Variants in CTNNA2 observed in about 807,000 individuals in gnomAD.
CTNNA2 encodes the protein catenin alpha 2, also known as catenin alpha-2.
A neutral mutation model predicts 101.0 loss-of-function variants in CTNNA2; 42 were observed. The ratio of observed to expected loss-of-function variants is 0.42; its 90% CI spans 0.32 to 0.54. The LOEUF (loss-of-function observed/expected upper bound fraction) is 0.54. Among genes scored for constraint, CTNNA2 ranks in the 20% least tolerant of loss-of-function variants. The probability of loss-of-function intolerance (pLI) is 0.14; values close to 1 mark genes in which losing one functional copy is unlikely to be tolerated. For synonymous variants in CTNNA2, 450 were observed against 456.4 expected (o/e 0.99, Z 0.18); for missense variants, 871 against 1,223.1 (o/e 0.71, Z 4.29).
At chr2:79,662,869 C>T (rs1682134366) in intron 2 of CTNNA2, among the ~76,000 whole-genome samples, 1 of 152,204 alleles carries the variant, frequency 6.6e-6, no homozygotes, top group South Asian at 2.1e-4. Flanking sequence ...TTGGTGTCAC[C>T]ATCTCATGGG....
rs114124742 is a variant in CTNNA2 at position 80,205,368 on chromosome 2, G to T, written c.1057-187843G>T. Among the ~76,000 whole-genome samples, 879 of 152,278 alleles carry T rather than the reference G, an allele frequency of 5.8e-3. 9 individuals carry two copies. The highest frequency in any genetic ancestry group is 8.5e-3 in the Non-Finnish European group (581 of 68,014). On this transcript the variant is annotated intron_variant, in intron 7 of 18. Transcript: ENST00000402739. ...GATCCAGGGAATAAAAATAACAGCA[G>T]ATATTTAGCTTTCTCAATAGCTCTC...
intron 7 of CTNNA2, among the ~76,000 whole-genome samples, chr2:80,294,557 T>G (rs1434159108): frequency 6.6e-6 from 1 of 152,090 alleles, no homozygotes; most frequent in Non-Finnish European, 1.5e-5. Flanking sequence ...ATTGCTGAGT[T>G]GTCCATGCTG....
At chr2:80,240,433 C>T (rs1670832858) in intron 7 of CTNNA2, among the ~76,000 whole-genome samples, 1 of 152,182 alleles carries the variant, frequency 6.6e-6, no homozygotes, top group African/African-American at 2.4e-5. Context: ...TTCCTGCCTC[C>T]AGCCATCTCC....
chr2:79,648,179 G>C (rs1027099489), intron 1 of CTNNA2, among the ~76,000 whole-genome samples: 1 of 152,124 alleles, frequency 6.6e-6, no homozygotes, highest in Non-Finnish European at 1.5e-5. Context: ...GTACAGGCGG[G>C]ATGACATTCT....
At chr2:80,026,333 G>T (rs1050791310) in intron 7 of CTNNA2, among the ~76,000 whole-genome samples, 1 of 152,192 alleles carries the variant, frequency 6.6e-6, no homozygotes, top group African/African-American at 2.4e-5. Flanking sequence ...AGCATTCATC[G>T]ATCCAAGGAT....
At chr2:80,642,913 A>G (rs1046054580) in intron 18 of CTNNA2, among the ~76,000 whole-genome samples, 7 of 152,152 alleles carry the variant, frequency 4.6e-5, no homozygotes, top group African/African-American at 1.7e-4. Context: ...GGGAACAGAA[A>G]TCTTTTAGAA....
At chr2:80,301,938 T>G in intron 7 of CTNNA2, 7 of 244,876 alleles carry the variant, frequency 2.9e-5, no homozygotes, top group East Asian at 1.7e-4. Flanking sequence ...AAATCAATGA[T>G]TGGTACCTTT....
rs537096685 is a variant in CTNNA2 at position 80,536,905 on chromosome 2, A to G, written c.1291-8077A>G. 1.2e-3 allele frequency among the ~76,000 whole-genome samples: 189 copies of G among 152,316 alleles called. 1 individual carries two copies. The highest frequency in any genetic ancestry group is 4.3e-3 in the African/African-American group (177 of 41,572). The stretch of plus-strand genomic sequence containing the variant: ...TGATTAAAAAACATCTTGCCTTTTT[A>G]AATGGTCACTATACATTTTACTTTA... On this transcript the variant is annotated intron_variant, in intron 9 of 18. Coordinates refer to ENST00000402739, the MANE Select transcript of CTNNA2 (RefSeq NM_001282597.3).
chr2:79,264,098 A>T (rs184148124), intron 2 of CTNNA2, among the ~76,000 whole-genome samples: 1 of 152,296 alleles, frequency 6.6e-6, no homozygotes, highest in African/African-American at 2.4e-5. Context: ...TTCAGAGAAA[A>T]TACAACTCAG....
At chr2:79,873,936 G>A (rs1682794784) in intron 5 of CTNNA2, 140 bp from the exon 6 acceptor site, 4 of 1,338,018 alleles carry the variant, frequency 3.0e-6, no homozygotes, top group South Asian at 3.0e-5. Flanking sequence ...AAGAGTATAT[G>A]CAAAGGCCTG....
chr2:80,529,649 G>C (rs988271951), intron 9 of CTNNA2, among the ~76,000 whole-genome samples: 3 of 152,114 alleles, frequency 2.0e-5, no homozygotes, highest in Non-Finnish European at 4.4e-5. Context: ...CCTATTTGAG[G>C]CAACAGCCTG....
At chr2:80,412,713 C>T (rs972808323) in intron 8 of CTNNA2, among the ~76,000 whole-genome samples, 4 of 151,742 alleles carry the variant, frequency 2.6e-5, no homozygotes, top group African/African-American at 7.3e-5. Flanking sequence ...CTTAGCCCGG[C>T]CTTCTCCTGT....
At chr2:79,463,241 G>A (rs150517920) in intron 4 of CTNNA2, among the ~76,000 whole-genome samples, 3 of 152,000 alleles carry the variant, frequency 2.0e-5, no homozygotes, top group Non-Finnish European at 4.4e-5. Flanking sequence ...GTGAAACCCT[G>A]TCTCTAAAAT....
chr2:79,542,358 T>G (rs1227396958), intron 1 of CTNNA2, among the ~76,000 whole-genome samples: 2 of 152,220 alleles, frequency 1.3e-5, no homozygotes, highest in Admixed American at 6.5e-5. Context: ...CTATTTAGTA[T>G]TCTTTATGAG....
Position 80,648,593 on chromosome 2 carries a change from T to TTTTTTTTC in CTNNA2, c.*727_*734dup, listed in dbSNP as rs540423767. The TTTTTTTTC allele has an allele frequency of 3.7e-4, 49 of 131,040 alleles. No homozygotes were observed. Among genetic ancestry groups the TTTTTTTTC allele is most frequent in the African/African-American group, 1.0e-3 (40 of 39,314 alleles). 8.1% of individuals were successfully genotyped at this position (131,040 alleles called of 1,614,324 possible). A position where few individuals can be genotyped will look rare whatever the true frequency, so the allele number is the denominator to read the frequency against. ...ATACGGTGACCAATCTTGCTTTCATTTTTTTTTCTTTTTAATTTGAACCAT... is the reference window on the plus strand; with the variant it reads ...ATACGGTGACCAATCTTGCTTTCATTTTTTTTTCTTTTTTTCTTTTTAATTTGAACCAT... On this transcript the variant is annotated 3_prime_UTR_variant, in exon 19 of 19. Coordinates refer to ENST00000402739, the MANE Select transcript of CTNNA2 (RefSeq NM_001282597.3).
chr2:80,348,730 G>A (rs921015607), intron 7 of CTNNA2, among the ~76,000 whole-genome samples: 4 of 148,854 alleles, frequency 2.7e-5, no homozygotes, highest in Admixed American at 6.7e-5. Context: ...CTGAGTAAAC[G>A]TAGTATATGC....
chr2:79,449,031 T>A (rs891042831), intron 4 of CTNNA2, among the ~76,000 whole-genome samples: 2 of 152,040 alleles, frequency 1.3e-5, no homozygotes, highest in African/African-American at 4.8e-5. Context: ...AACCGCATGA[T>A]GCAGTCTACT....
intron 3 of CTNNA2, among the ~76,000 whole-genome samples, chr2:79,799,720 T>A (rs1676010557): frequency 6.6e-6 from 1 of 152,218 alleles, no homozygotes; most frequent in African/African-American, 2.4e-5. Flanking sequence ...GAGCTTCAAA[T>A]TCACAGTCTT....
intron 2 of CTNNA2, among the ~76,000 whole-genome samples, chr2:79,289,111 A>G (rs374641760): frequency 3.8e-4 from 58 of 152,268 alleles, no homozygotes; most frequent in Non-Finnish European, 6.9e-4. Flanking sequence ...GTCTGAGAGA[A>G]TCTATTTTCT....
Sources: allele counts gnomAD v4.1 joint callset (sites outside exome capture counted in the v4.1 genomes callset), GRCh38; gene constraint gnomAD v4.1.1; transcripts MANE v1.5; gene names NCBI Gene and HGNC (gene_info 2026-07-23, HGNC 2026-07-21).